Variants in YWHAE observed in about 807,000 individuals in gnomAD.
YWHAE encodes tyrosine 3-monooxygenase/tryptophan 5-monooxygenase activation protein epsilon, also known as 14-3-3 protein epsilon.
A neutral mutation model predicts 30.1 loss-of-function variants in YWHAE; 4 were observed. The ratio of observed to expected loss-of-function variants is 0.13; its 90% confidence interval spans 0.07 to 0.30. The LOEUF (loss-of-function observed/expected upper bound fraction) is 0.30, where lower values mean the gene tolerates loss of function less well. Among genes scored for constraint, YWHAE ranks in the 10% least tolerant of loss-of-function variants. YWHAE has a pLI of 1.00. For synonymous variants in YWHAE, 118 were observed against 111.8 expected (o/e 1.06, Z -0.35); for missense variants, 121 against 315.9 (o/e 0.38, Z 4.68).
In YWHAE at chr17:1,354,198, C is replaced by T. The variant is rs749280403; in HGVS notation, c.715+13G>A. The T allele has an allele frequency of 1.4e-5, 22 of 1,609,860 alleles. No individual in the cohort carries two copies. The highest frequency in any genetic ancestry group is 1.6e-4 in the Middle Eastern group (1 of 6,064). On this transcript the variant is annotated intron_variant, in intron 5 of 5. Coordinates refer to ENST00000264335, the MANE Select transcript of YWHAE (RefSeq NM_006761.5). ...ACTGAAAGAGGTGCCTGTTTCACTC[C>T]GTGCTTGCTTACCGTCACCCTGCAT...
At chr17:1,345,766 C>T (rs2072507215) in intron 5 of YWHAE, among the ~76,000 whole-genome samples, 1 of 152,142 alleles carries the variant, frequency 6.6e-6, no homozygotes, top group Non-Finnish European at 1.5e-5. Context: ...AAGCTCTTGA[C>T]GTAGACAGCC....
chr17:1,358,325 C>T lies in YWHAE; in HGVS notation c.578+2767G>A, dbSNP rs995715255. 3.9e-5 allele frequency among the ~76,000 whole-genome samples: 6 copies of T among 152,156 alleles called. No homozygotes were observed. In the East Asian group the frequency reaches 5.9e-4, roughly 15 times the overall value. On this transcript the variant is annotated intron_variant, in intron 4 of 5. Transcript: ENST00000264335. ...CGTGATCTTGGCTCACTGCAAGTTC[C>T]GCCTCCCAGGTTCACGCCATTCTCC...
chr17:1,365,416 A>C (rs2072927124), intron 1 of YWHAE, among the ~76,000 whole-genome samples: 1 of 152,232 alleles, frequency 6.6e-6, no homozygotes. Context: ...TTAAGAATTT[A>C]CAGGTTCTAA....
chr17:1,396,423 CAAAAG>C (rs1447986111), intron 1 of YWHAE, among the ~76,000 whole-genome samples: 2 of 151,504 alleles, frequency 1.3e-5, no homozygotes, highest in Non-Finnish European at 2.9e-5. Context: ...GACTCCGTCT[CAAAAG>C]AAAAAAAAGA....
At chr17:1,366,200 G>C (rs1369801115) in intron 1 of YWHAE, among the ~76,000 whole-genome samples, 1 of 138,830 alleles carries the variant, frequency 7.2e-6, no homozygotes. Context: ...CAGCAACAGA[G>C]ACTCCACCTC....
intron 5 of YWHAE, among the ~76,000 whole-genome samples, chr17:1,350,215 G>A (rs1402981719): frequency 6.6e-6 from 1 of 151,418 alleles, no homozygotes; most frequent in Admixed American, 6.6e-5. Flanking sequence ...GCCTCCCAAA[G>A]TGCTGGGATT....
intron 1 of YWHAE, among the ~76,000 whole-genome samples, chr17:1,394,222 G>A (rs968554480): frequency 1.3e-5 from 2 of 152,028 alleles, no homozygotes; most frequent in African/African-American, 4.8e-5. Context: ...CAGAAAATGG[G>A]AGTAACGCTC....
intron 1 of YWHAE, among the ~76,000 whole-genome samples, chr17:1,382,494 C>G (rs1278622280): frequency 6.6e-6 from 1 of 151,382 alleles, no homozygotes; most frequent in Non-Finnish European, 1.5e-5. Context: ...GTAGCTGGGA[C>G]TACAGGCGCC....
At chr17:1,385,942 C>G (rs1304355948) in intron 1 of YWHAE, among the ~76,000 whole-genome samples, 2 of 152,086 alleles carry the variant, frequency 1.3e-5, no homozygotes, top group East Asian at 1.9e-4. Context: ...GAAAAGAAAG[C>G]CTCAAGCAGT....
At chr17:1,394,084 T>C (rs1266712495) in intron 1 of YWHAE, among the ~76,000 whole-genome samples, 1 of 152,136 alleles carries the variant, frequency 6.6e-6, no homozygotes, top group Non-Finnish European at 1.5e-5. Context: ...ACAGAGGTCT[T>C]TTGAGTGGCT....
chr17:1,355,809 C>T (rs529852559), intron 4 of YWHAE, among the ~76,000 whole-genome samples: 7 of 152,028 alleles, frequency 4.6e-5, no homozygotes, highest in East Asian at 1.9e-4. Flanking sequence ...CTGATGCGTG[C>T]GCGCAGATCA....
chr17:1,350,343 G>A (rs916094762), intron 5 of YWHAE, among the ~76,000 whole-genome samples: 19 of 152,198 alleles, frequency 1.2e-4, no homozygotes, highest in East Asian at 9.6e-4. Flanking sequence ...TAGACTGACA[G>A]GTAGTCTACT....
At chr17:1,380,998 A>T (rs2073197413) in intron 1 of YWHAE, among the ~76,000 whole-genome samples, 1 of 152,226 alleles carries the variant, frequency 6.6e-6, no homozygotes, top group African/African-American at 2.4e-5. Flanking sequence ...ATTAGACTGT[A>T]ACTCTTCCAT....
intron 1 of YWHAE, among the ~76,000 whole-genome samples, chr17:1,376,372 G>A (rs1230253107): frequency 2.7e-5 from 4 of 149,078 alleles, no homozygotes; most frequent in African/African-American, 9.9e-5. Flanking sequence ...CAGACAGACA[G>A]ACAGAAAGAA....
intron 2 of YWHAE, among the ~76,000 whole-genome samples, chr17:1,364,218 G>C (rs1049315394): frequency 1.7e-5 from 2 of 120,166 alleles, no homozygotes; most frequent in African/African-American, 3.8e-5. Context: ...CAATATATTG[G>C]TTTTTGGGTG....
intron 4 of YWHAE, among the ~76,000 whole-genome samples, chr17:1,358,271 G>C (rs541797948): frequency 6.6e-6 from 1 of 151,992 alleles, no homozygotes; most frequent in African/African-American, 2.4e-5. Flanking sequence ...ACGGAGTCTC[G>C]CTCTGTCGCC....
chr17:1,365,967 CCAG>C (rs2072935580), intron 1 of YWHAE, among the ~76,000 whole-genome samples: 1 of 112,928 alleles, frequency 8.9e-6, no homozygotes, highest in Non-Finnish European at 1.7e-5. Flanking sequence ...CCTGTAAATC[CCAG>C]CACTTTGGCA....
chr17:1,357,042 G>A (rs1235786416), intron 4 of YWHAE, among the ~76,000 whole-genome samples: 2 of 151,526 alleles, frequency 1.3e-5, no homozygotes, highest in African/African-American at 2.4e-5. Context: ...GGCCGAGGAG[G>A]GCAGATCACG....
In YWHAE at chr17:1,355,188, G is replaced by A. The variant is rs2072719527; in HGVS notation, c.579-841C>T. On this transcript the variant is annotated intron_variant, in intron 4 of 5. Transcript: ENST00000264335. Reference sequence around the variant, plus strand: ...TTTTTTTTTTGGGGGACGGGGTCTCGCTCTATCACCCAGGCTGGAGTGCAG... The same window carrying A: ...TTTTTTTTTTGGGGGACGGGGTCTCACTCTATCACCCAGGCTGGAGTGCAG... 4.8e-5 allele frequency among the ~76,000 whole-genome samples: 5 copies of A among 104,420 alleles called. No individual in the cohort carries two copies. The South Asian group carries it at 1.3e-3, about 28-fold the overall frequency. 68.5% of individuals were successfully genotyped at this position (104,420 alleles called of 152,430 possible). A position where few individuals can be genotyped will look rare whatever the true frequency, so the allele number is the denominator to read the frequency against.
Sources: allele counts gnomAD v4.1 joint callset (sites outside exome capture counted in the v4.1 genomes callset), GRCh38; gene constraint gnomAD v4.1.1; transcripts MANE v1.5; gene names NCBI Gene and HGNC (gene_info 2026-07-23, HGNC 2026-07-21).